Variants in HDAC4 observed in about 807,000 individuals in gnomAD.
The protein encoded by HDAC4 is histone deacetylase A.
In HDAC4, 16 loss-of-function variants were observed where a neutral mutation model predicts 135.1. That is an observed-to-expected ratio of 0.12 (90% CI 0.08 to 0.18). The LOEUF (loss-of-function observed/expected upper bound fraction) is 0.18, where lower values mean the gene tolerates loss of function less well. Among genes scored for constraint, HDAC4 ranks in the 10% least tolerant of loss-of-function variants. HDAC4 has a pLI of 1.00. For missense variants in HDAC4, 1,143 were observed against 1,511.8 expected, an observed-to-expected ratio of 0.76 and a Z score of 4.05; for synonymous variants, 685 against 653.4, an observed-to-expected ratio of 1.05 and a Z score of -0.74.
chr2:239,162,390 C>T (rs951174834), intron 6 of HDAC4: 2 of 453,950 alleles, frequency 4.4e-6, no homozygotes, highest in Non-Finnish European at 8.9e-6. Context: ...CCAGGGGCAC[C>T]ATCTGAACCA....
intron 3 of HDAC4, among the ~76,000 whole-genome samples, chr2:239,228,166 C>T (rs967703011): frequency 7.9e-5 from 12 of 152,196 alleles, no homozygotes; most frequent in Non-Finnish European, 1.3e-4. Context: ...GTGTGCCAGA[C>T]GCTACGCCAG....
chr2:239,343,836 G>T (rs10203767), intron 2 of HDAC4, among the ~76,000 whole-genome samples: 79 of 152,104 alleles, frequency 5.2e-4, no homozygotes, highest in Non-Finnish European at 1.0e-3. Flanking sequence ...CCTCTGATGC[G>T]CTGCCCAGCC....
At chr2:239,362,435 T>C (rs546328947) in intron 1 of HDAC4, among the ~76,000 whole-genome samples, 1 of 152,336 alleles carries the variant, frequency 6.6e-6, no homozygotes, top group Non-Finnish European at 1.5e-5. Context: ...GCAAAAGTCT[T>C]AGAAGCTATA....
chr2:239,114,965 C>G, intron 13 of HDAC4, 88 bp downstream of exon 13: 1 of 1,496,752 alleles, frequency 6.7e-7, no homozygotes, highest in Non-Finnish European at 9.1e-7. Context: ...TGCCCTGCAG[C>G]CCCCGTGATC....
intron 9 of HDAC4, among the ~76,000 whole-genome samples, chr2:239,138,830 C>T (rs113122934): frequency 6.5e-4 from 99 of 152,322 alleles, no homozygotes; most frequent in African/African-American, 2.3e-3. Flanking sequence ...AGGCAGGGGG[C>T]GCAAAGGAGC....
chr2:239,153,379 T>C (rs552140441), intron 7 of HDAC4, among the ~76,000 whole-genome samples: 1 of 152,340 alleles, frequency 6.6e-6, no homozygotes, highest in Non-Finnish European at 1.5e-5. Flanking sequence ...TCACAATTAT[T>C]AAAGACTATT....
intron 13 of HDAC4, among the ~76,000 whole-genome samples, chr2:239,113,011 G>A (rs962770722): frequency 1.3e-5 from 2 of 152,176 alleles, no homozygotes; most frequent in African/African-American, 4.8e-5. Context: ...GATCACCTGA[G>A]GTAAGGAGTT....
intron 2 of HDAC4, among the ~76,000 whole-genome samples, chr2:239,239,209 T>G (rs1333509689): frequency 6.6e-6 from 1 of 152,216 alleles, no homozygotes; most frequent in Non-Finnish European, 1.5e-5. Flanking sequence ...CCTCCTGGAC[T>G]TCTAAAGATC....
intron 3 of HDAC4, among the ~76,000 whole-genome samples, chr2:239,235,691 A>G (rs942924885): frequency 3.9e-5 from 6 of 152,236 alleles, no homozygotes; most frequent in Non-Finnish European, 8.8e-5. Flanking sequence ...TTACAGACAA[A>G]GAAAAGGGGG....
intron 12 of HDAC4, among the ~76,000 whole-genome samples, chr2:239,118,970 G>GC (rs2152822078): frequency 6.6e-6 from 1 of 152,350 alleles, no homozygotes; most frequent in Non-Finnish European, 1.5e-5. Flanking sequence ...GAGCCTGGCG[G>GC]TACCGCTGTC....
intron 7 of HDAC4, among the ~76,000 whole-genome samples, chr2:239,147,702 G>T (rs747070954): frequency 9.2e-5 from 14 of 152,284 alleles, no homozygotes; most frequent in Non-Finnish European, 1.8e-4. Context: ...GTGAGGGCAG[G>T]AAGGATGCCA....
rs150282515 is a variant in HDAC4 at position 239,189,669 on chromosome 2, C to T, written c.339+164G>A. The stretch of plus-strand genomic sequence containing the variant: ...CTCCACAATACACGCAAGTGCTGCC[C>T]GCGGTTTGTTGCCTGGTGTTACCGT... On this transcript the variant is annotated intron_variant, in intron 4 of 26. Coordinates refer to ENST00000543185, the MANE Select transcript of HDAC4 (RefSeq NM_001378414.1). 1.6e-3 allele frequency among the ~76,000 whole-genome samples: 240 copies of T among 152,318 alleles called. 1 individual carries two copies. The highest frequency in any genetic ancestry group is 9.6e-4 in the African/African-American group (40 of 41,580).
chr2:239,244,939 C>A (rs1399158296), intron 2 of HDAC4, among the ~76,000 whole-genome samples: 2 of 152,186 alleles, frequency 1.3e-5, no homozygotes, highest in African/African-American at 4.8e-5. Context: ...GCATCCCAGG[C>A]CACTAGATTC....
chr2:239,286,918 T>C (rs1412420579), intron 2 of HDAC4, among the ~76,000 whole-genome samples: 1 of 152,182 alleles, frequency 6.6e-6, no homozygotes, highest in African/African-American at 2.4e-5. Context: ...GCAAGGACTG[T>C]ATCACCAACA....
chr2:239,245,610 G>A lies in HDAC4; in HGVS notation c.23-8946C>T, dbSNP rs1290247387. Among the ~76,000 whole-genome samples, 1 of 152,204 alleles carries A rather than the reference G, an allele frequency of 6.6e-6. No homozygotes were observed. Among genetic ancestry groups the A allele is most frequent in the Non-Finnish European group, 1.5e-5 (1 of 68,052 alleles). Reference sequence around the variant, plus strand: ...TTTAAATTCTCCAGAAAATAAAGGTGTGGAGAGATGAAGTGGTCACGATGG... The same window carrying A: ...TTTAAATTCTCCAGAAAATAAAGGTATGGAGAGATGAAGTGGTCACGATGG... On this transcript the variant is annotated intron_variant, in intron 2 of 26. Transcript: ENST00000543185. The surrounding 1 kb of genome is among the most constrained non-coding windows in gnomAD (Gnocchi z 4.4).
chr2:239,290,730 A>G (rs1027177673), intron 2 of HDAC4, among the ~76,000 whole-genome samples: 2 of 151,926 alleles, frequency 1.3e-5, no homozygotes, highest in Non-Finnish European at 2.9e-5. Flanking sequence ...GCACTCACGT[A>G]CGCACACACG....
At chr2:239,134,483 T>C (rs1293840894) in intron 10 of HDAC4, 40 bp from the exon 11 acceptor site, 4 of 1,612,778 alleles carry the variant, frequency 2.5e-6, no homozygotes, top group South Asian at 2.2e-5. Flanking sequence ...GAAGGACCCA[T>C]CACCACCACC....
rs181087944 is a variant in HDAC4 at position 239,072,405 on chromosome 2, A to G, written c.2751-3798T>C. Among the ~76,000 whole-genome samples, 251 of 152,288 alleles carry G rather than the reference A, an allele frequency of 1.6e-3. 1 individual carries two copies. Among genetic ancestry groups the G allele is most frequent in the African/African-American group, 5.4e-3 (223 of 41,562 alleles). On this transcript the variant is annotated intron_variant, in intron 22 of 26. Coordinates refer to ENST00000543185, the MANE Select transcript of HDAC4 (RefSeq NM_001378414.1). Reference sequence around the variant, plus strand: ...GTGAGCTCTGGGGGTCCCCTCACCAAGCCCTTGTGTGAGTAGGTCCATGTT... The same window carrying G: ...GTGAGCTCTGGGGGTCCCCTCACCAGGCCCTTGTGTGAGTAGGTCCATGTT...
At chr2:239,181,624 C>T (rs912555434) in intron 4 of HDAC4, among the ~76,000 whole-genome samples, 19 of 152,248 alleles carry the variant, frequency 1.2e-4, no homozygotes, top group African/African-American at 4.3e-4. Flanking sequence ...CGCTGGCCTC[C>T]GAAGACTCAC....
Sources: gnomAD v4.1 joint callset for allele counts (sites outside exome capture counted in the v4.1 genomes callset) on GRCh38, gnomAD v4.1.1 for gene constraint, Gnocchi (gnomAD v3.1) non-coding constraint, MANE v1.5 for transcripts, NCBI Gene and HGNC (gene_info 2026-07-23, HGNC 2026-07-21) for gene names.